The following WDR26 variants were observed in gnomAD, a reference collection of about 807,000 sequenced individuals.
The protein encoded by WDR26 is WD repeat domain 26.
Under a neutral mutation model 84.1 loss-of-function variants are expected in WDR26, and 5 were observed. The observed-to-expected ratio is 0.06, with a 90% confidence interval of 0.03 to 0.13. The LOEUF is 0.13. Ranked by LOEUF, WDR26 falls within the 10% of genes least tolerant of loss-of-function variation. The probability of loss-of-function intolerance (pLI) is 1.00; values close to 1 mark genes in which losing one functional copy is unlikely to be tolerated. For synonymous variants in WDR26, 415 were observed against 389.6 expected, an observed-to-expected ratio of 1.07 and a Z score of -0.77; for missense variants, 642 against 974.9, an observed-to-expected ratio of 0.66 and a Z score of 4.55.
intron 3 of WDR26, 134 bp from the exon 4 acceptor site, chr1:224,424,788 C>T (rs899905204): frequency 1.3e-5 from 15 of 1,166,268 alleles, no homozygotes; most frequent in Non-Finnish European, 1.6e-5. Context: ...TTCAAGATGA[C>T]TCAAAATATT....
At position 224,404,489 on chromosome 1, in the gene WDR26, T is replaced by C; in HGVS notation, c.1540A>G (p.Asn514Asp). The C allele has an allele frequency of 6.2e-7, 1 of 1,614,124 alleles. No homozygotes were observed. Among genetic ancestry groups the C allele is most frequent in the Non-Finnish European group, 8.5e-7 (1 of 1,179,982 alleles). The change falls in exon 8 of 14, where the codon AAC becomes GAC. Residue 514 changes from asparagine to aspartate, a missense_variant. Around this residue, in one of 2 missense-constraint regions of WDR26, gnomAD observed 351 missense variants for 672.8 expected, o/e 0.52. Coordinates refer to ENST00000414423, the MANE Select transcript of WDR26 (RefSeq NM_001379403.1). ...TCTGGGCCACAAGCAACAAGATAGT[T>C]GTCATCTGGACTCCATGCAATATAA... is the stretch of plus-strand genomic sequence containing the variant.
intron 12 of WDR26, among the ~76,000 whole-genome samples, chr1:224,395,364 T>C (rs1490562070): frequency 1.3e-5 from 2 of 152,206 alleles, no homozygotes; most frequent in South Asian, 2.1e-4. Flanking sequence ...CAGTTAAGTA[T>C]GGCCAATGTG....
chr1:224,431,973 T>TA (rs1176596431), intron 1 of WDR26, among the ~76,000 whole-genome samples, 192 bp from the exon 2 acceptor site: 2 of 152,200 alleles, frequency 1.3e-5, no homozygotes, highest in Non-Finnish European at 2.9e-5. Context: ...CTAGTCAAGT[T>TA]AAAAACCTTT....
At chr1:224,410,579 CACA>C (rs1673708915) in intron 7 of WDR26, among the ~76,000 whole-genome samples, 1 of 151,618 alleles carries the variant, frequency 6.6e-6, no homozygotes, top group Non-Finnish European at 1.5e-5. Flanking sequence ...GAAAGGATTA[CACA>C]ACAAGGTCCA....
chr1:224,393,736 A>T, intron 13 of WDR26, 92 bp downstream of exon 13: 1 of 1,106,108 alleles, frequency 9.0e-7, no homozygotes, highest in Non-Finnish European at 1.3e-6. Flanking sequence ...ACCACACTTT[A>T]AATAAACTTG....
At chr1:224,420,254 G>C (rs1469353716) in intron 4 of WDR26, among the ~76,000 whole-genome samples, 1 of 152,220 alleles carries the variant, frequency 6.6e-6, no homozygotes, top group Non-Finnish European at 1.5e-5. Flanking sequence ...TGTACAGAAG[G>C]TGGGATAAAT....
chr1:224,417,126 C>T (rs971369611), intron 6 of WDR26, among the ~76,000 whole-genome samples: 2 of 152,122 alleles, frequency 1.3e-5, no homozygotes, highest in East Asian at 3.9e-4. Flanking sequence ...GTGGTTTATA[C>T]ACATGTAAAA....
chr1:224,398,600 C>T lies in WDR26; in HGVS notation c.1866-7G>A. ...AGGATGATCTTCTTGTACTCTGGAA[C>T]CAGAAAATAATTTGTCAAAAACAAC... is the stretch of plus-strand genomic sequence containing the variant. On this transcript the variant is annotated splice_region_variant and splice_polypyrimidine_tract_variant and intron_variant, in intron 10 of 13. Coordinates refer to ENST00000414423, the MANE Select transcript of WDR26 (RefSeq NM_001379403.1). 1 of 1,590,350 alleles carries T rather than the reference C, an allele frequency of 6.3e-7. No individual in the cohort carries two copies. Among genetic ancestry groups the T allele is most frequent in the East Asian group, 2.2e-5 (1 of 44,614 alleles).
At chr1:224,395,710 A>G (rs994162320) in intron 12 of WDR26, among the ~76,000 whole-genome samples, 4 of 152,186 alleles carry the variant, frequency 2.6e-5, no homozygotes, top group Non-Finnish European at 5.9e-5. Context: ...ATGCAATTGA[A>G]TATTTCTCTA....
chr1:224,401,686 AAAAG>A (rs1462872317), intron 8 of WDR26, among the ~76,000 whole-genome samples: 28 of 114,254 alleles, frequency 2.5e-4, no homozygotes, highest in African/African-American at 7.6e-4. Flanking sequence ...AAAAAAAAAA[AAAAG>A]AAAAAAAAAA....
chr1:224,414,644 C>T (rs557613325), intron 6 of WDR26, among the ~76,000 whole-genome samples: 1 of 152,102 alleles, frequency 6.6e-6, no homozygotes, highest in South Asian at 2.1e-4. Context: ...TAAAAATTAG[C>T]AACTTTTCTT....
intron 3 of WDR26, among the ~76,000 whole-genome samples, chr1:224,426,659 A>T (rs1469685438): frequency 9.3e-5 from 14 of 150,308 alleles, no homozygotes; most frequent in Admixed American, 7.2e-4. Flanking sequence ...CCAAAAACTA[A>T]ACAATGCAAA....
chr1:224,389,843 C>T lies in WDR26; in HGVS notation c.2278G>A (p.Asp760Asn). 1 of 1,590,720 alleles carries T rather than the reference C, an allele frequency of 6.3e-7. No homozygotes were observed. Among genetic ancestry groups the T allele is most frequent in the Non-Finnish European group, 8.5e-7 (1 of 1,172,148 alleles). The change falls in exon 14 of 14, where the codon GAT (aspartate) becomes AAT (asparagine). Residue 760 changes from aspartate (D) to asparagine (N), a missense_variant. This residue lies in a region of WDR26 where 351 missense variants were observed against 672.8 expected (regional missense o/e 0.52). Coordinates refer to ENST00000414423, the MANE Select transcript of WDR26 (RefSeq NM_001379403.1). ...CTGCTCCAAATTCACCATCAACTAT[C>T]CATGCTACTGCATTCCTCTGAATGA...
At chr1:224,399,078 C>A in intron 9 of WDR26, 44 bp from the exon 10 acceptor site, 1 of 1,433,282 alleles carries the variant, frequency 7.0e-7, no homozygotes, top group South Asian at 1.7e-5. Context: ...CTCAACAGCA[C>A]TCAGAAAGCA....
intron 7 of WDR26, among the ~76,000 whole-genome samples, chr1:224,407,944 T>C (rs1245775396): frequency 6.6e-6 from 1 of 151,858 alleles, no homozygotes; most frequent in Admixed American, 6.7e-5. Context: ...TCTCTAAAAG[T>C]CTCTCTGTTT....
At chr1:224,415,082 A>C (rs1016102497) in intron 6 of WDR26, among the ~76,000 whole-genome samples, 2 of 152,240 alleles carry the variant, frequency 1.3e-5, no homozygotes, top group African/African-American at 4.8e-5. Context: ...AATAAAGGGC[A>C]TAACTCACTC....
intron 6 of WDR26, among the ~76,000 whole-genome samples, chr1:224,417,496 A>T (rs900095377): frequency 1.3e-5 from 2 of 152,168 alleles, no homozygotes; most frequent in African/African-American, 4.8e-5. Context: ...ATTGCTTGAG[A>T]CCAGAAGTTC....
chr1:224,393,354 C>T (rs1460823578), intron 13 of WDR26, among the ~76,000 whole-genome samples: 1 of 152,164 alleles, frequency 6.6e-6, no homozygotes, highest in African/African-American at 2.4e-5. Flanking sequence ...CTTCTCTTTC[C>T]CTATCCATTA....
At chr1:224,396,257 T>C (rs911007695) in intron 12 of WDR26, among the ~76,000 whole-genome samples, 1 of 152,170 alleles carries the variant, frequency 6.6e-6, no homozygotes, top group African/African-American at 2.4e-5. Context: ...AAAAAAAAGT[T>C]TGGCTTTTCT....
Sources: allele counts gnomAD v4.1 joint callset (sites outside exome capture counted in the v4.1 genomes callset), GRCh38; gene constraint gnomAD v4.1.1; regional missense constraint gnomAD v4.1.1; transcripts MANE v1.5; gene names NCBI Gene and HGNC (gene_info 2026-07-23, HGNC 2026-07-21).